Variants in STIM1 observed in about 807,000 individuals in gnomAD.
STIM1 encodes stromal interaction molecule 1.
A neutral mutation model predicts 74.7 loss-of-function variants in STIM1; 25 were observed. The ratio of observed to expected loss-of-function variants is 0.33; its 90% confidence interval spans 0.24 to 0.47. The LOEUF is 0.47. STIM1 is among the 20% of genes least tolerant of loss of function. The pLI is 1.00. For synonymous variants in STIM1, 328 were observed against 348.8 expected, an observed-to-expected ratio of 0.94 and a Z score of 0.66; for missense variants, 728 against 920.8, an observed-to-expected ratio of 0.79 and a Z score of 2.71.
chr11:3,951,032 A>G (rs1373786607), intron 1 of STIM1, among the ~76,000 whole-genome samples: 3 of 152,246 alleles, frequency 2.0e-5, no homozygotes, highest in Admixed American at 6.5e-5. Context: ...GTTGTAACCC[A>G]GGCAAGAGAT....
At chr11:4,026,787 C>T (rs954183602) in intron 3 of STIM1, among the ~76,000 whole-genome samples, 1 of 152,180 alleles carries the variant, frequency 6.6e-6, no homozygotes, top group Non-Finnish European at 1.5e-5. Context: ...CTTTTGTGTC[C>T]TCTCCTTGTG....
chr11:3,878,316 T>G (rs1258593055), intron 1 of STIM1, among the ~76,000 whole-genome samples: 2 of 152,186 alleles, frequency 1.3e-5, no homozygotes, highest in East Asian at 3.8e-4. Context: ...ACAACAACTT[T>G]GTGAGGTAGC....
intron 1 of STIM1, among the ~76,000 whole-genome samples, chr11:3,902,439 G>A (rs118035696): frequency 2.4e-3 from 362 of 152,280 alleles, no homozygotes; most frequent in Non-Finnish European, 4.1e-3. Context: ...ACCAGGGTGC[G>A]GGGTGGGGAT....
intron 1 of STIM1, among the ~76,000 whole-genome samples, chr11:3,923,685 GTC>G (rs2092749599): frequency 6.6e-6 from 1 of 151,056 alleles, no homozygotes; most frequent in African/African-American, 2.4e-5. Context: ...ATATTTGTGG[GTC>G]TGTTTCCACA....
At chr11:4,090,941 C>G (rs577610566) in intron 12 of STIM1, among the ~76,000 whole-genome samples, 2 of 150,576 alleles carry the variant, frequency 1.3e-5, no homozygotes, top group South Asian at 4.2e-4. Flanking sequence ...TTTTCCCTTT[C>G]TTGTCTTTCT....
At chr11:3,858,826 G>A (rs1342962106) in intron 1 of STIM1, among the ~76,000 whole-genome samples, 1 of 152,130 alleles carries the variant, frequency 6.6e-6, no homozygotes, top group Non-Finnish European at 1.5e-5. Context: ...TCTCACAATA[G>A]CCCTGTTACA....
At chr11:4,036,511 G>C (rs2094104055) in intron 3 of STIM1, among the ~76,000 whole-genome samples, 1 of 152,150 alleles carries the variant, frequency 6.6e-6, no homozygotes, top group African/African-American at 2.4e-5. Flanking sequence ...AACCTTGCCA[G>C]CATCTGTTGT....
chr11:3,963,900 C>T (rs2135722257), intron 1 of STIM1, among the ~76,000 whole-genome samples: 1 of 152,268 alleles, frequency 6.6e-6, no homozygotes, highest in Middle Eastern at 3.4e-3. Context: ...TCTTCATAGT[C>T]AGACAGGGAA....
intron 2 of STIM1, among the ~76,000 whole-genome samples, chr11:3,998,787 A>G (rs1408507915): frequency 6.6e-6 from 1 of 151,640 alleles, no homozygotes; most frequent in Non-Finnish European, 1.5e-5. Flanking sequence ...TATTTAATAG[A>G]CAAAGAGTGG....
Position 4,029,728 on chromosome 11 carries a change from C to T in STIM1, c.385+5741C>T, listed in dbSNP as rs145554875. ...CTGCCGAGGATAGGCTCCAGCCACT[C>T]TCAACCTTGAACTGAAGTAAGCAGG... is the stretch of plus-strand genomic sequence containing the variant. On this transcript the variant is annotated intron_variant, in intron 3 of 12. Coordinates refer to ENST00000526596, the MANE Select transcript of STIM1 (RefSeq NM_001382567.1). Among the ~76,000 whole-genome samples the T allele has an allele frequency of 5.9e-4, 90 of 152,280 alleles. No homozygotes were observed. The Middle Eastern group carries it at 0.014, about 23-fold the overall frequency.
chr11:3,936,038 C>T (rs910967205), intron 1 of STIM1, among the ~76,000 whole-genome samples: 2 of 152,174 alleles, frequency 1.3e-5, no homozygotes, highest in African/African-American at 4.8e-5. Flanking sequence ...ATAATATACT[C>T]ATTTTAAGTG....
chr11:3,946,117 A>G (rs571469850), intron 1 of STIM1, among the ~76,000 whole-genome samples: 1 of 152,328 alleles, frequency 6.6e-6, no homozygotes, highest in East Asian at 1.9e-4. Context: ...TATCCCAACT[A>G]TATCAATGGG....
chr11:3,968,881 A>T (rs1330795043), intron 2 of STIM1, among the ~76,000 whole-genome samples: 1 of 152,160 alleles, frequency 6.6e-6, no homozygotes, highest in African/African-American at 2.4e-5. Flanking sequence ...TACTCTTTTA[A>T]CTTCAACAGA....
chr11:4,024,585 T>TC (rs552058553), intron 3 of STIM1, among the ~76,000 whole-genome samples: 142 of 152,326 alleles, frequency 9.3e-4, no homozygotes, highest in African/African-American at 3.3e-3. Context: ...GTTTCTTAGA[T>TC]CCTATAGTTG....
Position 3,941,746 on chromosome 11 carries a change from G to A in STIM1, c.140-25806G>A, listed in dbSNP as rs2093013640. 2.0e-5 allele frequency among the ~76,000 whole-genome samples: 3 copies of A among 151,282 alleles called. No individual in the cohort carries two copies. In the South Asian group the frequency reaches 6.3e-4, roughly 32 times the overall value. The stretch of plus-strand genomic sequence containing the variant: ...GTGTTGCCCAGGCTAGAGTGCAATG[G>A]TATGATCATGGCTCACTGCAGTCTT... On this transcript the variant is annotated intron_variant, in intron 1 of 12. Coordinates refer to ENST00000526596, the MANE Select transcript of STIM1 (RefSeq NM_001382567.1).
At chr11:3,997,343 A>T (rs2093671920) in intron 2 of STIM1, among the ~76,000 whole-genome samples, 1 of 152,212 alleles carries the variant, frequency 6.6e-6, no homozygotes, top group South Asian at 2.1e-4. Flanking sequence ...CATAAAACAG[A>T]TAAGGACACT....
chr11:3,908,518 A>G (rs1285593226), intron 1 of STIM1, among the ~76,000 whole-genome samples: 1 of 151,910 alleles, frequency 6.6e-6, no homozygotes, highest in Non-Finnish European at 1.5e-5. Context: ...AGGCTGAGAC[A>G]GGAGAATGGC....
chr11:3,857,052 T>G (rs758734123), intron 1 of STIM1, among the ~76,000 whole-genome samples: 29 of 151,966 alleles, frequency 1.9e-4, no homozygotes, highest in Non-Finnish European at 3.5e-4. Context: ...TGTTGACTTA[T>G]TCTGTTTCTT....
intron 3 of STIM1, among the ~76,000 whole-genome samples, chr11:4,031,267 A>T (rs1307465265): frequency 6.6e-6 from 1 of 152,216 alleles, no homozygotes; most frequent in African/African-American, 2.4e-5. Context: ...CATTGTAGAG[A>T]CATACCACAA....
Sources: gnomAD v4.1 joint callset for allele counts (sites outside exome capture counted in the v4.1 genomes callset) on GRCh38, gnomAD v4.1.1 for gene constraint, MANE v1.5 for transcripts, NCBI Gene and HGNC (gene_info 2026-07-23, HGNC 2026-07-21) for gene names.